Variants in TENM3 observed in about 807,000 individuals in gnomAD.
TENM3 encodes teneurin transmembrane protein 3, also known as teneurin-3.
TENM3 carries 63 observed loss-of-function variants against 255.1 expected under a neutral mutation model. The observed-to-expected ratio is 0.25, with a 90% CI of 0.20 to 0.30. TENM3 has a LOEUF of 0.30. Ranked by LOEUF, TENM3 falls within the 10% of genes least tolerant of loss-of-function variation. The pLI is 1.00. For synonymous variants in TENM3, 1,306 were observed against 1,322.3 expected (o/e 0.99, Z 0.27); for missense variants, 2,929 against 3,461.1 (o/e 0.85, Z 3.86).
intron 1 of TENM3, among the ~76,000 whole-genome samples, chr4:182,246,325 A>G (rs1439015515): frequency 1.3e-5 from 2 of 152,170 alleles, no homozygotes. Flanking sequence ...AGCAGCGCTT[A>G]TGAATGAGAT....
the TENM3 span, among the ~76,000 whole-genome samples, chr4:181,983,629 T>C: frequency 2.6e-5 from 4 of 152,140 alleles, no homozygotes; most frequent in Non-Finnish European, 2.9e-5. Flanking sequence ...TTAAGTATAA[T>C]TACCAATACA....
intron 12 of TENM3, among the ~76,000 whole-genome samples, chr4:182,705,817 A>G (rs532402361): frequency 1.3e-4 from 20 of 152,168 alleles, no homozygotes; most frequent in African/African-American, 4.8e-4. Flanking sequence ...CTGGTCTTTG[A>G]GGCTTTTTGG....
At chr4:181,846,577 T>G in the TENM3 span, among the ~76,000 whole-genome samples, 1 of 152,212 alleles carries the variant, frequency 6.6e-6, no homozygotes, top group African/African-American at 2.4e-5. Context: ...GATAAACAAT[T>G]GTTTGAAGAT....
At chr4:181,690,869 T>G in the TENM3 span, among the ~76,000 whole-genome samples, 1 of 152,312 alleles carries the variant, frequency 6.6e-6, no homozygotes, top group Non-Finnish European at 1.5e-5. Flanking sequence ...TGATTATTTT[T>G]AAGAATTTAA....
chr4:182,064,758 A>G, the TENM3 span, among the ~76,000 whole-genome samples: 1 of 152,256 alleles, frequency 6.6e-6, no homozygotes. Flanking sequence ...AGCAGACACG[A>G]AGTGAAGAGG....
At chr4:181,467,125 ATTTTTT>A in the TENM3 span, among the ~76,000 whole-genome samples, 1 of 17,622 alleles carries the variant, frequency 5.7e-5, no homozygotes, top group African/African-American at 2.5e-4. Flanking sequence ...ATATATATAT[ATTTTTT>A]TTTTTTTTTT....
At chr4:181,911,314 A>G in the TENM3 span, among the ~76,000 whole-genome samples, 1 of 152,224 alleles carries the variant, frequency 6.6e-6, no homozygotes, top group African/African-American at 2.4e-5. Flanking sequence ...GTGGTGGTTG[A>G]CAAACCTTTG....
chr4:182,686,474 A>G (rs1049150917), intron 11 of TENM3, among the ~76,000 whole-genome samples: 1 of 152,142 alleles, frequency 6.6e-6, no homozygotes, highest in Non-Finnish European at 1.5e-5. Flanking sequence ...CTAAAGGAAA[A>G]CACTTTACTG....
the TENM3 span, among the ~76,000 whole-genome samples, chr4:182,042,301 T>C: frequency 6.6e-6 from 1 of 152,192 alleles, no homozygotes; most frequent in South Asian, 2.1e-4. Context: ...TTTAAAGCCT[T>C]TGAACCTTGT....
rs376894058 is a variant in TENM3, at chr4:182,729,024, C to T, written c.2428C>T (p.Pro810Ser). Reference protein sequence around the residue: ...CCLQSSCQNQPYCRGLPDPQD... With the variant: ...CCLQSSCQNQSYCRGLPDPQD... The stretch of plus-strand genomic sequence containing the variant: ...CCTACAGAGTTCCTGCCAGAATCAG[C>T]CCTATTGTCGGGGACTGCCGGATCC... Residue 810 changes from proline (P) to serine (S), a missense_variant, in exon 14 of 28, where the codon CCC becomes TCC. Pro to Ser is a moderately conservative substitution (Grantham distance 74). Coordinates refer to ENST00000511685, the MANE Select transcript of TENM3 (RefSeq NM_001080477.4). 46 of 1,613,864 alleles carry T rather than the reference C, an allele frequency of 2.9e-5. No individual in the cohort carries two copies. Among genetic ancestry groups the T allele is most frequent in the South Asian group, 1.1e-4 (10 of 91,090 alleles).
the TENM3 span, among the ~76,000 whole-genome samples, chr4:181,959,404 T>C: frequency 6.6e-6 from 1 of 152,118 alleles, no homozygotes; most frequent in Non-Finnish European, 1.5e-5. Context: ...ACAGCCCCTG[T>C]TTCAACAGGA....
intron 1 of TENM3, among the ~76,000 whole-genome samples, chr4:182,270,538 C>T (rs1398232518): frequency 6.6e-6 from 1 of 152,164 alleles, no homozygotes; most frequent in Non-Finnish European, 1.5e-5. Context: ...ACCTCCCTTC[C>T]AGTCTTGATC....
the TENM3 span, among the ~76,000 whole-genome samples, chr4:181,969,288 C>T: frequency 6.6e-6 from 1 of 152,156 alleles, no homozygotes; most frequent in Admixed American, 6.5e-5. Context: ...TTTATAACAA[C>T]TCTGAAAAAC....
chr4:182,362,622 C>T (rs1405981798), intron 3 of TENM3, among the ~76,000 whole-genome samples: 1 of 152,162 alleles, frequency 6.6e-6, no homozygotes, highest in African/African-American at 2.4e-5. Context: ...CAGGTGCCGT[C>T]TGTCACCCCT....
At chr4:181,605,562 GAAAGAAAGAGAGA>G in the TENM3 span, among the ~76,000 whole-genome samples, 12 of 27,250 alleles carry the variant, frequency 4.4e-4, 2 homozygotes, top group African/African-American at 9.0e-4. Flanking sequence ...AAGAAAGAAA[GAAAGAAAGAGAGA>G]GAAAGAAAGG....
intron 3 of TENM3, among the ~76,000 whole-genome samples, chr4:182,591,868 C>CCTGAATAT (rs1289886173): frequency 6.6e-6 from 1 of 151,940 alleles, no homozygotes; most frequent in Non-Finnish European, 1.5e-5. Context: ...AAAGAAAACC[C>CCTGAATAT]CTGAATATCT....
Position 182,324,059 on chromosome 4 carries a change from C to T in TENM3, c.39C>T (p.Thr13=), listed in dbSNP as rs768323338. The T allele has an allele frequency of 1.2e-6, 2 of 1,613,952 alleles. No individual in the cohort carries two copies. The highest frequency in any genetic ancestry group is 1.1e-5 in the South Asian group (1 of 91,072). The part of the protein sequence containing the change: ...VKERRPYCSL[T]KSRREKERRY... ...AACGCAGGCCTTACTGCTCCCTGAC[C>T]AAGAGCAGACGAGAGAAGGAACGGC... The change falls in exon 2 of 28, where the codon ACC becomes ACT. Residue 13 remains threonine, a synonymous_variant. Coordinates refer to ENST00000511685, the MANE Select transcript of TENM3 (RefSeq NM_001080477.4).
At chr4:181,547,205 C>A in the TENM3 span, among the ~76,000 whole-genome samples, 1 of 151,996 alleles carries the variant, frequency 6.6e-6, no homozygotes, top group Non-Finnish European at 1.5e-5. Context: ...TTCAAAGTAA[C>A]CATAATTAAT....
chr4:182,186,105 T>C (rs1482849467), intron 1 of TENM3, among the ~76,000 whole-genome samples: 1 of 152,198 alleles, frequency 6.6e-6, no homozygotes, highest in Non-Finnish European at 1.5e-5. Flanking sequence ...AAAACTGTCT[T>C]TGTTAAATGG....
Sources: allele counts gnomAD v4.1 joint callset (sites outside exome capture counted in the v4.1 genomes callset), GRCh38; gene constraint gnomAD v4.1.1; transcripts MANE v1.5; gene names NCBI Gene and HGNC (gene_info 2026-07-23, HGNC 2026-07-21).